The following MACROD2 variants were observed in gnomAD, a reference collection of about 807,000 sequenced individuals.
MACROD2 encodes the protein ADP-ribose glycohydrolase MACROD2.
MACROD2 carries 36 observed loss-of-function variants against 70.4 expected under a neutral mutation model. The ratio of observed to expected loss-of-function variants is 0.51; its 90% CI spans 0.39 to 0.68. MACROD2 has a LOEUF of 0.68. Ranked by LOEUF, MACROD2 falls within the 30% of genes least tolerant of loss-of-function variation. The pLI, the probability that MACROD2 is intolerant of heterozygous loss-of-function variation, is 0.00. For synonymous variants in MACROD2, 172 were observed against 178.8 expected (o/e 0.96, Z 0.30); for missense variants, 496 against 538.4 (o/e 0.92, Z 0.78).
chr20:14,238,831 A>G (rs535465941), intron 3 of MACROD2, among the ~76,000 whole-genome samples: 1 of 152,168 alleles, frequency 6.6e-6, no homozygotes, highest in Middle Eastern at 3.4e-3. Context: ...GTTCAAGACC[A>G]GCCTGGCCAA....
chr20:14,305,658 C>G (rs2082513911), intron 3 of MACROD2, among the ~76,000 whole-genome samples: 2 of 152,062 alleles, frequency 1.3e-5, no homozygotes, highest in African/African-American at 4.8e-5. Context: ...TCCTCAACCT[C>G]CCAAATAAAT....
chr20:15,959,119 T>C (rs550943612), intron 12 of MACROD2, among the ~76,000 whole-genome samples: 1 of 152,228 alleles, frequency 6.6e-6, no homozygotes, highest in South Asian at 2.1e-4. Context: ...AACAAAATCC[T>C]TCTATAATTG....
At chr20:14,522,964 C>T (rs1431052268) in intron 4 of MACROD2, among the ~76,000 whole-genome samples, 2 of 152,104 alleles carry the variant, frequency 1.3e-5, no homozygotes, top group African/African-American at 2.4e-5. Flanking sequence ...AAGGAAATAC[C>T]GGTCTCACAG....
intron 5 of MACROD2, among the ~76,000 whole-genome samples, chr20:14,902,867 GAGAA>G (rs1568864326): frequency 2.0e-5 from 3 of 152,060 alleles, no homozygotes; most frequent in African/African-American, 4.8e-5. Flanking sequence ...GGCAGAAGAA[GAGAA>G]AGAGTTATGA....
chr20:14,044,459 TTC>T (rs747339061), intron 2 of MACROD2, among the ~76,000 whole-genome samples: 26 of 152,312 alleles, frequency 1.7e-4, no homozygotes, highest in African/African-American at 3.8e-4. Context: ...CCTGCTTTTA[TTC>T]TCTTATTTGG....
At chr20:15,644,473 T>C (rs948857187) in intron 8 of MACROD2, among the ~76,000 whole-genome samples, 3 of 152,176 alleles carry the variant, frequency 2.0e-5, no homozygotes, top group African/African-American at 7.2e-5. Flanking sequence ...GCAACCTCTT[T>C]CCTTCTGTTT....
At chr20:14,561,917 T>A (rs545264876) in intron 4 of MACROD2, among the ~76,000 whole-genome samples, 4 of 151,984 alleles carry the variant, frequency 2.6e-5, no homozygotes, top group African/African-American at 9.6e-5. Flanking sequence ...CAAGAAAATA[T>A]TCTAATCATA....
intron 3 of MACROD2, among the ~76,000 whole-genome samples, chr20:14,466,917 G>A (rs535509387): frequency 2.0e-5 from 3 of 152,156 alleles, no homozygotes; most frequent in South Asian, 2.1e-4. Context: ...AGGAGTACCC[G>A]GCTGTGTGAG....
chr20:14,108,046 G>A lies in MACROD2; in HGVS notation c.271+22318G>A, dbSNP rs368992652. On this transcript the variant is annotated intron_variant, in intron 3 of 17. Transcript: ENST00000684519. ...GACTAAATTAACCAATCAAAAATAA[G>A]TACAACAGCTTTTCAAGATATAGAC... Among the ~76,000 whole-genome samples, 18 of 152,028 alleles carry A rather than the reference G, an allele frequency of 1.2e-4. No individual in the cohort carries two copies. The East Asian group carries it at 3.1e-3, about 26-fold the overall frequency.
chr20:14,717,196 T>C (rs920145215), intron 5 of MACROD2, among the ~76,000 whole-genome samples: 1 of 152,154 alleles, frequency 6.6e-6, no homozygotes, highest in African/African-American at 2.4e-5. Context: ...AAACAGAATA[T>C]AGAAAATAAA....
At chr20:15,544,935 G>T (rs181458664) in intron 8 of MACROD2, among the ~76,000 whole-genome samples, 5 of 152,292 alleles carry the variant, frequency 3.3e-5, no homozygotes, top group Admixed American at 1.3e-4. Context: ...TTTCCAGGCC[G>T]CATTCCTCAG....
intron 5 of MACROD2, among the ~76,000 whole-genome samples, chr20:14,911,916 A>G (rs1015386706): frequency 5.3e-5 from 8 of 152,140 alleles, no homozygotes; most frequent in African/African-American, 1.9e-4. Context: ...AGCAAATGAC[A>G]GCACTGGGAT....
intron 5 of MACROD2, among the ~76,000 whole-genome samples, chr20:14,784,044 T>C (rs556776811): frequency 2.0e-5 from 3 of 152,184 alleles, no homozygotes; most frequent in Non-Finnish European, 2.9e-5. Flanking sequence ...GGCTCTGAGA[T>C]GGTAAAGGCA....
At chr20:15,132,687 G>T (rs1376827966) in intron 5 of MACROD2, among the ~76,000 whole-genome samples, 1 of 151,844 alleles carries the variant, frequency 6.6e-6, no homozygotes, top group African/African-American at 2.4e-5. Flanking sequence ...AATTATAAAA[G>T]ATGAAGAAAA....
chr20:15,202,165 A>G (rs1380780193), intron 5 of MACROD2, among the ~76,000 whole-genome samples: 1 of 152,198 alleles, frequency 6.6e-6, no homozygotes, highest in Non-Finnish European at 1.5e-5. Flanking sequence ...AAAGTAGACT[A>G]TGCCGAAGTC....
intron 6 of MACROD2, among the ~76,000 whole-genome samples, chr20:15,362,137 G>A (rs34165994): frequency 0.18 from 26,876 of 151,564 alleles, 2,515 homozygotes; most frequent in Middle Eastern, 0.28. Context: ...TCAGCCTTCC[G>A]AGTAGCTGGG....
intron 12 of MACROD2, among the ~76,000 whole-genome samples, chr20:15,962,860 T>A (rs117732353): frequency 0.014 from 2,107 of 152,290 alleles, 47 homozygotes; most frequent in Middle Eastern, 0.017. Flanking sequence ...GTAAATATAG[T>A]TCAGCCTTAT....
chr20:14,094,963 G>C (rs1030000454), intron 3 of MACROD2, among the ~76,000 whole-genome samples: 7 of 151,832 alleles, frequency 4.6e-5, no homozygotes, highest in South Asian at 2.1e-4. Flanking sequence ...CCTGGGCTTT[G>C]CACAAGCTGC....
chr20:15,958,416 T>C (rs1417966625), intron 12 of MACROD2, among the ~76,000 whole-genome samples: 1 of 152,150 alleles, frequency 6.6e-6, no homozygotes, highest in Non-Finnish European at 1.5e-5. Flanking sequence ...TTGGATTCCC[T>C]CATGACTACT....
Sources: gnomAD v4.1 joint callset for allele counts (sites outside exome capture counted in the v4.1 genomes callset) on GRCh38, gnomAD v4.1.1 for gene constraint, MANE v1.5 for transcripts, NCBI Gene and HGNC (gene_info 2026-07-23, HGNC 2026-07-21) for gene names.